The following SETD7 variants were observed in gnomAD, a reference collection of about 807,000 sequenced individuals.
The protein encoded by SETD7 is SET domain containing 7, histone lysine methyltransferase, also known as histone-lysine N-methyltransferase SETD7.
In SETD7, 16 loss-of-function variants were observed where a neutral mutation model predicts 41.8. That is an observed-to-expected ratio of 0.38 (90% CI 0.26 to 0.58). SETD7 has a LOEUF of 0.58. Ranked by LOEUF, SETD7 falls within the 20% of genes least tolerant of loss-of-function variation. SETD7 has a pLI of 0.64. For synonymous variants in SETD7, 163 were observed against 169.7 expected, an observed-to-expected ratio of 0.96 and a Z score of 0.31; for missense variants, 346 against 459.7, an observed-to-expected ratio of 0.75 and a Z score of 2.26.
chr4:139,526,701 C>T (rs912174649), intron 4 of SETD7, among the ~76,000 whole-genome samples: 3 of 152,180 alleles, frequency 2.0e-5, no homozygotes, highest in Non-Finnish European at 4.4e-5. Context: ...AAATAAATAA[C>T]TTGCCCAAGG....
At chr4:139,550,248 G>A (rs1286668693) in intron 1 of SETD7, among the ~76,000 whole-genome samples, 3 of 152,092 alleles carry the variant, frequency 2.0e-5, no homozygotes, top group African/African-American at 4.8e-5. Flanking sequence ...ACAAGGTCAG[G>A]GGAGAGCTAC....
chr4:139,496,552 G>A (rs1726459456), intron 7 of SETD7: 3 of 699,100 alleles, frequency 4.3e-6, no homozygotes, highest in African/African-American at 1.8e-5. Context: ...GGCTGAGAAC[G>A]TTTTCAGAGA....
rs915929744 is a variant in SETD7 at position 139,509,187 on chromosome 4, G to A, written c.*2476C>T. On this transcript the variant is annotated 3_prime_UTR_variant, in exon 8 of 8. Coordinates refer to ENST00000274031, the MANE Select transcript of SETD7 (RefSeq NM_030648.4). ...GCCCAGGCGTTCTCACATATGCAGA[G>A]AGAAGAGGAAAGAGAGCCGGCCAGA... 2 of 152,976 alleles carry A rather than the reference G, an allele frequency of 1.3e-5. No homozygotes were observed. Among genetic ancestry groups the A allele is most frequent in the Non-Finnish European group, 2.9e-5 (2 of 68,668 alleles). The allele number at this position is 152,976 out of a possible 1,614,324, so 9.5% of individuals were successfully genotyped here.
At chr4:139,535,981 C>T (rs548676672) in intron 2 of SETD7, among the ~76,000 whole-genome samples, 10 of 152,308 alleles carry the variant, frequency 6.6e-5, no homozygotes, top group South Asian at 6.2e-4. Context: ...CCAGAGGAGG[C>T]TGGCAAACTA....
chr4:139,540,824 A>T (rs186335142), intron 2 of SETD7, among the ~76,000 whole-genome samples: 1 of 152,294 alleles, frequency 6.6e-6, no homozygotes, highest in East Asian at 1.9e-4. Context: ...CTTTTGCCGC[A>T]TGTGGGAGGT....
At chr4:139,544,738 G>A (rs752591376) in intron 2 of SETD7, among the ~76,000 whole-genome samples, 5 of 151,742 alleles carry the variant, frequency 3.3e-5, no homozygotes, top group Non-Finnish European at 7.4e-5. Context: ...CAAATCTGCT[G>A]GACTGTTTTC....
rs1420623578 is a variant in SETD7, at chr4:139,507,898, T to C, written c.*3765A>G. On this transcript the variant is annotated 3_prime_UTR_variant, in exon 8 of 8. Coordinates refer to ENST00000274031, the MANE Select transcript of SETD7 (RefSeq NM_030648.4). ...CTTGCAACATAGTTTTGCTTGTTTT[T>C]CTAAAACAAAAGATATCTGGATTCT... 6 of 152,182 alleles carry C rather than the reference T, an allele frequency of 3.9e-5. No homozygotes were observed. The highest frequency in any genetic ancestry group is 7.3e-5 in the Non-Finnish European group (5 of 68,032). The allele number at this position is 152,182 out of a possible 1,614,324, so 9.4% of individuals were successfully genotyped here. A position where few individuals can be genotyped will look rare whatever the true frequency, so the allele number is the denominator to read the frequency against.
chr4:139,518,120 T>C (rs969053931), intron 6 of SETD7, 78 bp from the exon 7 acceptor site: 25 of 1,402,830 alleles, frequency 1.8e-5, no homozygotes, highest in Non-Finnish European at 2.2e-5. Flanking sequence ...TATTAACTCA[T>C]TTATCTTATT....
At chr4:139,528,194 T>A (rs1183168557) in intron 4 of SETD7, among the ~76,000 whole-genome samples, 2 of 152,230 alleles carry the variant, frequency 1.3e-5, no homozygotes, top group Non-Finnish European at 2.9e-5. Flanking sequence ...AATTTTATAC[T>A]CAGAAAAAAT....
At chr4:139,502,021 C>A (rs1175805473), downstream of SETD7, among the ~76,000 whole-genome samples, 3 of 152,184 alleles carry the variant, frequency 2.0e-5, no homozygotes, top group African/African-American at 7.2e-5. Flanking sequence ...GTTGTCATCA[C>A]AGTTTAATTT....
intron 2 of SETD7, chr4:139,546,604 A>C: frequency 5.3e-6 from 2 of 375,280 alleles, no homozygotes; most frequent in Non-Finnish European, 5.1e-6. Flanking sequence ...CGCTACCGGA[A>C]TGATCAAGTG....
In SETD7 at chr4:139,506,629, G is replaced by A. The variant is rs1042646288; in HGVS notation, c.*5034C>T. 2.6e-5 allele frequency: 4 copies of A among 152,482 alleles called. No individual in the cohort carries two copies. Among genetic ancestry groups the A allele is most frequent in the Non-Finnish European group, 4.4e-5 (3 of 68,014 alleles). The allele number at this position is 152,482 out of a possible 1,614,324, so 9.4% of individuals were successfully genotyped here. On this transcript the variant is annotated 3_prime_UTR_variant, in exon 8 of 8. Coordinates refer to ENST00000274031, the MANE Select transcript of SETD7 (RefSeq NM_030648.4). ...TGTTGATACATTGGCATGTGTGTTC[G>A]TATTGCTACTATACACAGTGAAAAT...
downstream of SETD7, among the ~76,000 whole-genome samples, chr4:139,504,570 T>C (rs1251272432): frequency 2.6e-5 from 4 of 152,194 alleles, no homozygotes; most frequent in Non-Finnish European, 5.9e-5. Flanking sequence ...AGATGCTGAA[T>C]TGAAACTAAA....
Position 139,508,252 on chromosome 4 carries a change from T to C in SETD7, c.*3411A>G, listed in dbSNP as rs1375052674. ...GTGTGAAGAACCCCCATAGGGCAAATAGGTTTAACTACAGTCCTAGACAGG... is the reference window on the plus strand; with the variant it reads ...GTGTGAAGAACCCCCATAGGGCAAACAGGTTTAACTACAGTCCTAGACAGG... On this transcript the variant is annotated 3_prime_UTR_variant, in exon 8 of 8. Transcript: ENST00000274031. The C allele has an allele frequency of 2.6e-5, 4 of 152,136 alleles. No individual in the cohort carries two copies. The highest frequency in any genetic ancestry group is 4.8e-5 in the African/African-American group (2 of 41,438). The allele number at this position is 152,136 out of a possible 1,614,324, so 9.4% of individuals were successfully genotyped here.
At chr4:139,516,591 C>A (rs932943441) in intron 7 of SETD7, among the ~76,000 whole-genome samples, 1 of 151,670 alleles carries the variant, frequency 6.6e-6, no homozygotes, top group Non-Finnish European at 1.5e-5. Context: ...GTAAGCTCCA[C>A]ACCAATGGAG....
intron 4 of SETD7, among the ~76,000 whole-genome samples, chr4:139,528,040 CTAT>C (rs1727379104): frequency 6.6e-6 from 1 of 152,092 alleles, no homozygotes; most frequent in Non-Finnish European, 1.5e-5. Context: ...TTTTTTCTCC[CTAT>C]AACCAAACCT....
intron 4 of SETD7, among the ~76,000 whole-genome samples, chr4:139,527,668 C>A (rs779485990): frequency 1.3e-5 from 2 of 152,200 alleles, no homozygotes; most frequent in Non-Finnish European, 2.9e-5. Flanking sequence ...CACAGAGCAT[C>A]CTCACTGTTT....
chr4:139,522,684 G>A (rs1727209642), intron 5 of SETD7, among the ~76,000 whole-genome samples: 1 of 149,472 alleles, frequency 6.7e-6, no homozygotes. Flanking sequence ...CTGCAGCACA[G>A]ACCCTAAGAA....
Position 139,520,761 on chromosome 4 carries a change from G to A in SETD7, c.645-367C>T, listed in dbSNP as rs573104458. Among the ~76,000 whole-genome samples the A allele has an allele frequency of 2.0e-5, 3 of 152,260 alleles. No homozygotes were observed. In the East Asian group the frequency reaches 5.8e-4, roughly 29 times the overall value. ...AAACATTTTTTCAAAGTTAATTAAA[G>A]CTATATCTAAGTTTGTCAGTGTTAG... On this transcript the variant is annotated intron_variant, in intron 5 of 7. Transcript: ENST00000274031.
Sources: allele counts gnomAD v4.1 joint callset (sites outside exome capture counted in the v4.1 genomes callset), GRCh38; gene constraint gnomAD v4.1.1; transcripts MANE v1.5; gene names NCBI Gene and HGNC (gene_info 2026-07-23, HGNC 2026-07-21).